CDH12: variants seen among roughly 807,000 people sequenced by gnomAD.
CDH12 encodes cadherin-12.
CDH12 carries 41 observed loss-of-function variants against 74.1 expected under a neutral mutation model. The ratio of observed to expected loss-of-function variants is 0.55; its 90% CI spans 0.43 to 0.72. The LOEUF (loss-of-function observed/expected upper bound fraction) is 0.72. Ranked by LOEUF, CDH12 falls within the 30% of genes least tolerant of loss-of-function variation. The probability of loss-of-function intolerance (pLI) is 0.00; values close to 1 mark genes in which losing one functional copy is unlikely to be tolerated. For synonymous variants in CDH12, 399 were observed against 355.0 expected (o/e 1.12, Z -1.39); for missense variants, 945 against 977.2 (o/e 0.97, Z 0.44).
intron 3 of CDH12, among the ~76,000 whole-genome samples, chr5:22,299,562 T>C (rs1010500478): frequency 6.6e-6 from 1 of 152,202 alleles, no homozygotes; most frequent in Non-Finnish European, 1.5e-5. Flanking sequence ...ATTTTTGCCA[T>C]GTCTGATTAA....
chr5:22,116,451 A>C (rs1252958934), intron 4 of CDH12, among the ~76,000 whole-genome samples: 2 of 152,146 alleles, frequency 1.3e-5, no homozygotes, highest in African/African-American at 4.8e-5. Flanking sequence ...TAAAAATACA[A>C]AAAATTAGCC....
chr5:22,338,495 T>G (rs1739696678), intron 3 of CDH12, among the ~76,000 whole-genome samples: 1 of 151,888 alleles, frequency 6.6e-6, no homozygotes, highest in Non-Finnish European at 1.5e-5. Context: ...GAAGAATAAA[T>G]AAGACCTAAT....
intron 5 of CDH12, among the ~76,000 whole-genome samples, chr5:22,051,352 C>A (rs1740352256): frequency 6.6e-6 from 1 of 152,048 alleles, no homozygotes; most frequent in Non-Finnish European, 1.5e-5. Flanking sequence ...ATAATACTTT[C>A]TTTATTGAGT....
intron 1 of CDH12, among the ~76,000 whole-genome samples, chr5:22,753,772 A>G (rs1430702610): frequency 6.6e-6 from 1 of 151,974 alleles, no homozygotes; most frequent in Non-Finnish European, 1.5e-5. Context: ...CACACTTCAG[A>G]TTAATTCTCT....
chr5:21,833,017 GATATAATATATAAT>G (rs1191974465), intron 8 of CDH12, among the ~76,000 whole-genome samples: 3 of 29,884 alleles, frequency 1.0e-4, no homozygotes, highest in Non-Finnish European at 1.4e-4. Flanking sequence ...TATAATATAT[GATATAATATATAAT>G]ATATAATATA....
At chr5:22,419,510 A>G (rs1226193342) in intron 2 of CDH12, among the ~76,000 whole-genome samples, 1 of 152,106 alleles carries the variant, frequency 6.6e-6, no homozygotes, top group African/African-American at 2.4e-5. Flanking sequence ...ATAGTATTCC[A>G]TGGTGTATAT....
intron 2 of CDH12, among the ~76,000 whole-genome samples, chr5:22,439,183 T>C (rs1303764695): frequency 1.3e-5 from 2 of 151,928 alleles, no homozygotes; most frequent in Non-Finnish European, 2.9e-5. Context: ...ATCTGATTAA[T>C]ACATATAATT....
At chr5:21,902,519 T>C (rs1325107936) in intron 6 of CDH12, among the ~76,000 whole-genome samples, 5 of 152,022 alleles carry the variant, frequency 3.3e-5, no homozygotes, top group African/African-American at 1.2e-4. Flanking sequence ...ATATGTCCAT[T>C]ATATCTGAGA....
chr5:22,295,934 A>C (rs1737604907), intron 3 of CDH12, among the ~76,000 whole-genome samples: 1 of 152,072 alleles, frequency 6.6e-6, no homozygotes, highest in Admixed American at 6.6e-5. Context: ...TTATAATAAA[A>C]ATCGCATCAT....
intron 1 of CDH12, among the ~76,000 whole-genome samples, chr5:22,781,383 ATAATT>A (rs1406931282): frequency 2.0e-5 from 3 of 152,208 alleles, no homozygotes; most frequent in Non-Finnish European, 2.9e-5. Flanking sequence ...CAGGATAAGT[ATAATT>A]TATATGACTG....
chr5:22,654,850 C>T (rs1739950631), intron 1 of CDH12, among the ~76,000 whole-genome samples: 3 of 151,692 alleles, frequency 2.0e-5, no homozygotes, highest in African/African-American at 4.8e-5. Flanking sequence ...AGGCTGGTCT[C>T]GAACTCCCGA....
At chr5:21,948,000 C>CT (rs1755657150) in intron 6 of CDH12, among the ~76,000 whole-genome samples, 1 of 152,158 alleles carries the variant, frequency 6.6e-6, no homozygotes, top group Non-Finnish European at 1.5e-5. Context: ...GATGTTGGGC[C>CT]TGAGGGTACA....
chr5:22,666,447 G>A (rs1740628402), intron 1 of CDH12, among the ~76,000 whole-genome samples: 1 of 151,678 alleles, frequency 6.6e-6, no homozygotes, highest in African/African-American at 2.4e-5. Context: ...CCGCCACTAC[G>A]CCCGGCTAAT....
chr5:21,972,637 T>C lies in CDH12; in HGVS notation c.526+2454A>G, dbSNP rs2431917. ...ACAGTAGTTGTTGCTTAGTTGTAAG[T>C]TGGAAATTTCAAGGCAGAAACAGCA... is the stretch of plus-strand genomic sequence containing the variant. On this transcript the variant is annotated intron_variant, in intron 6 of 14. Coordinates refer to ENST00000382254, the MANE Select transcript of CDH12 (RefSeq NM_004061.5). Among the ~76,000 whole-genome samples the C allele has an allele frequency of 2.4e-3, 371 of 152,228 alleles. 2 individuals carry two copies. Among genetic ancestry groups the C allele is most frequent in the African/African-American group, 8.4e-3 (350 of 41,546 alleles).
At chr5:21,824,326 A>G (rs1255605062) in intron 8 of CDH12, among the ~76,000 whole-genome samples, 2 of 152,096 alleles carry the variant, frequency 1.3e-5, no homozygotes, top group African/African-American at 4.8e-5. Flanking sequence ...GGAGCTGCAC[A>G]GTGCACTTGG....
At position 22,386,393 on chromosome 5, in the gene CDH12, A is replaced by C. The variant is rs553077037; in HGVS notation, c.-333+18864T>G. Among the ~76,000 whole-genome samples the C allele has an allele frequency of 2.0e-5, 3 of 152,174 alleles. No individual in the cohort carries two copies. The East Asian group carries it at 5.8e-4, about 30-fold the overall frequency. ...ATAACATTAACCAAATTCTCCCCTA[A>C]CTTCTTTCAGCACTTTTCTACTAAG... is the stretch of plus-strand genomic sequence containing the variant. On this transcript the variant is annotated intron_variant, in intron 3 of 14. Coordinates refer to ENST00000382254, the MANE Select transcript of CDH12 (RefSeq NM_004061.5).
chr5:21,836,402 T>C lies in CDH12; in HGVS notation c.814+5759A>G, dbSNP rs1001363389. On this transcript the variant is annotated intron_variant, in intron 8 of 14. Coordinates refer to ENST00000382254, the MANE Select transcript of CDH12 (RefSeq NM_004061.5). ...ACGATTATTGACGTACTATTTTCTA[T>C]GTTCAAATCTGTTTACCATACAATT... 2.6e-5 allele frequency among the ~76,000 whole-genome samples: 4 copies of C among 151,482 alleles called. No individual in the cohort carries two copies. The East Asian group carries it at 5.8e-4, about 22-fold the overall frequency.
At chr5:22,803,792 C>T (rs905488313) in intron 1 of CDH12, among the ~76,000 whole-genome samples, 1 of 152,262 alleles carries the variant, frequency 6.6e-6, no homozygotes, top group East Asian at 1.9e-4. Flanking sequence ...AAGTGATGAG[C>T]GTTTTCAAAT....
At chr5:22,425,172 A>AATATATATATATATACAT (rs1554039891) in intron 2 of CDH12, among the ~76,000 whole-genome samples, 23 of 83,488 alleles carry the variant, frequency 2.8e-4, no homozygotes, top group African/African-American at 9.7e-4. Flanking sequence ...TATATATATA[A>AATATATATATATATACAT]ATATATATAT....
Sources: allele counts gnomAD v4.1 joint callset (sites outside exome capture counted in the v4.1 genomes callset), GRCh38; gene constraint gnomAD v4.1.1; transcripts MANE v1.5; gene names NCBI Gene and HGNC (gene_info 2026-07-23, HGNC 2026-07-21).